OLA1: variants seen among roughly 807,000 people sequenced by gnomAD.
The protein encoded by OLA1 is obg-like ATPase 1.
Under a neutral mutation model 48.4 loss-of-function variants are expected in OLA1, and 14 were observed. The observed-to-expected ratio is 0.29, with a 90% CI of 0.19 to 0.45. The LOEUF is 0.45. Among genes scored for constraint, OLA1 ranks in the 20% least tolerant of loss-of-function variants. The pLI is 1.00. For synonymous variants in OLA1, 127 were observed against 150.4 expected (o/e 0.84, Z 1.14); for missense variants, 325 against 467.1 (o/e 0.70, Z 2.80).
At chr2:174,103,691 C>T (rs1280509089) in intron 7 of OLA1, among the ~76,000 whole-genome samples, 1 of 152,138 alleles carries the variant, frequency 6.6e-6, no homozygotes, top group Non-Finnish European at 1.5e-5. Context: ...TTTACTGAGT[C>T]CAGTGCCAAG....
chr2:174,106,163 C>T (rs1357635185), intron 7 of OLA1, among the ~76,000 whole-genome samples: 2 of 151,904 alleles, frequency 1.3e-5, no homozygotes, highest in African/African-American at 2.4e-5. Context: ...AAAAATAGGA[C>T]AAGCAAATTG....
intron 5 of OLA1, among the ~76,000 whole-genome samples, chr2:174,138,614 C>T (rs1435823517): frequency 6.6e-6 from 1 of 152,124 alleles, no homozygotes; most frequent in Non-Finnish European, 1.5e-5. Flanking sequence ...AGCGTTGCCA[C>T]AAACCTTCGA....
At chr2:174,184,444 A>G (rs2105416560) in intron 4 of OLA1, among the ~76,000 whole-genome samples, 1 of 152,334 alleles carries the variant, frequency 6.6e-6, no homozygotes, top group East Asian at 1.9e-4. Flanking sequence ...AAAATATCTG[A>G]ACAGTGAAGT....
intron 7 of OLA1, among the ~76,000 whole-genome samples, chr2:174,106,147 C>T (rs1685510474): frequency 6.6e-6 from 1 of 151,920 alleles, no homozygotes; most frequent in South Asian, 2.1e-4. Flanking sequence ...AATTAATTTG[C>T]TTTTTAAAAA....
intron 4 of OLA1, among the ~76,000 whole-genome samples, chr2:174,148,171 G>T (rs1686658420): frequency 6.6e-6 from 1 of 152,218 alleles, no homozygotes; most frequent in Non-Finnish European, 1.5e-5. Context: ...CAGATAACCT[G>T]AGGTCAGGAG....
intron 3 of OLA1, among the ~76,000 whole-genome samples, chr2:174,227,105 A>AT (rs1240880132): frequency 6.6e-6 from 1 of 151,698 alleles, no homozygotes; most frequent in East Asian, 1.9e-4. Flanking sequence ...AAAAAAAAAA[A>AT]GAAAGAAAGA....
intron 4 of OLA1, among the ~76,000 whole-genome samples, chr2:174,178,091 C>T (rs1337888495): frequency 6.6e-6 from 1 of 151,944 alleles, no homozygotes; most frequent in Non-Finnish European, 1.5e-5. Flanking sequence ...CAAATTGCTA[C>T]TGAACAACAG....
Position 174,124,883 on chromosome 2 carries a change from T to C in OLA1, c.550-1208A>G, listed in dbSNP as rs116814296. ...CAGGAAAAATAAGGAAAAAGCCTTA[T>C]ATCCTTAGATCCTGATTTGAAACCC... On this transcript the variant is annotated intron_variant, in intron 5 of 10. Transcript: ENST00000284719. Among the ~76,000 whole-genome samples, 1,219 of 152,298 alleles carry C rather than the reference T, an allele frequency of 8.0e-3. 18 individuals are homozygous for C. Among genetic ancestry groups the C allele is most frequent in the African/African-American group, 0.028 (1,147 of 41,554 alleles).
At chr2:174,235,248 T>C (rs958491301) in intron 2 of OLA1, among the ~76,000 whole-genome samples, 6 of 151,786 alleles carry the variant, frequency 4.0e-5, no homozygotes, top group African/African-American at 1.5e-4. Flanking sequence ...TAGGAAAGAG[T>C]GATTAGGAAA....
At chr2:174,146,721 A>G (rs939952156) in intron 4 of OLA1, among the ~76,000 whole-genome samples, 2 of 152,310 alleles carry the variant, frequency 1.3e-5, no homozygotes, top group Admixed American at 6.5e-5. Context: ...AGGAAGGTGT[A>G]TTCAACCGTC....
chr2:174,127,994 G>A (rs1327274566), intron 5 of OLA1, among the ~76,000 whole-genome samples: 1 of 151,626 alleles, frequency 6.6e-6, no homozygotes, highest in Non-Finnish European at 1.5e-5. Context: ...AAAATGTTTA[G>A]GGAGAAAAAT....
chr2:174,152,510 A>T (rs1275921617), intron 4 of OLA1, among the ~76,000 whole-genome samples: 1 of 152,238 alleles, frequency 6.6e-6, no homozygotes, highest in African/African-American at 2.4e-5. Context: ...AAATTTTGGA[A>T]TACACAAAAT....
At chr2:174,103,889 TC>T (rs1240302091) in intron 7 of OLA1, among the ~76,000 whole-genome samples, 1 of 152,146 alleles carries the variant, frequency 6.6e-6, no homozygotes, top group African/African-American at 2.4e-5. Context: ...GGGGTGTTAT[TC>T]TAGACAAGGC....
At chr2:174,211,816 G>A (rs1688250808) in intron 4 of OLA1, among the ~76,000 whole-genome samples, 2 of 152,086 alleles carry the variant, frequency 1.3e-5, no homozygotes, top group South Asian at 2.1e-4. Context: ...TTGAAATATG[G>A]CTAGTCCATA....
intron 10 of OLA1, among the ~76,000 whole-genome samples, chr2:174,078,260 T>C (rs1012342791): frequency 6.6e-6 from 1 of 151,998 alleles, no homozygotes; most frequent in African/African-American, 2.4e-5. Flanking sequence ...TAAATTAAAT[T>C]AAAGAACCTT....
rs531318732 is a variant in OLA1 at position 174,136,020 on chromosome 2, A to G, written c.549+5805T>C. Among the ~76,000 whole-genome samples, 391 of 152,364 alleles carry G rather than the reference A, an allele frequency of 2.6e-3. 3 individuals carry two copies. The highest frequency in any genetic ancestry group is 8.6e-3 in the African/African-American group (359 of 41,588). On this transcript the variant is annotated intron_variant, in intron 5 of 10. Transcript: ENST00000284719. ...CTACAAAAACAATGTATAAACCTTA[A>G]TTTAAAAATATTTTTACTAAAAAAT...
chr2:174,151,996 C>A (rs1396106633), intron 4 of OLA1, among the ~76,000 whole-genome samples: 1 of 152,192 alleles, frequency 6.6e-6, no homozygotes, highest in East Asian at 1.9e-4. Flanking sequence ...TCCTTACCAT[C>A]TTGGCAACAA....
At chr2:174,209,622 G>T (rs1184362738) in intron 4 of OLA1, among the ~76,000 whole-genome samples, 1 of 152,186 alleles carries the variant, frequency 6.6e-6, no homozygotes, top group South Asian at 2.1e-4. Context: ...GATTCAAGAA[G>T]TAGGGGCAAA....
chr2:174,142,081 G>A lies in OLA1; in HGVS notation c.374-81C>T. ...ATGATAGAGTGAAAGATTCCTAGAA[G>A]GTTAACAAATAAATATAATAAATAA... On this transcript the variant is annotated intron_variant, in intron 4 of 10. Coordinates refer to ENST00000284719, the MANE Select transcript of OLA1 (RefSeq NM_013341.5). 4 of 1,207,770 alleles carry A rather than the reference G, an allele frequency of 3.3e-6. No individual in the cohort carries two copies. The South Asian group carries it at 4.1e-5, about 12-fold the overall frequency. 74.8% of individuals were successfully genotyped at this position (1,207,770 alleles called of 1,614,324 possible).
Sources: gnomAD v4.1 joint callset for allele counts (sites outside exome capture counted in the v4.1 genomes callset) on GRCh38, gnomAD v4.1.1 for gene constraint, MANE v1.5 for transcripts, NCBI Gene and HGNC (gene_info 2026-07-23, HGNC 2026-07-21) for gene names.